The following VPS13A variants were observed in gnomAD, a reference collection of about 807,000 sequenced individuals.
The protein encoded by VPS13A is intermembrane lipid transfer protein VPS13A.
A neutral mutation model predicts 390.9 loss-of-function variants in VPS13A; 264 were observed. That is an observed-to-expected ratio of 0.68 (90% CI 0.61 to 0.75). The LOEUF is 0.75. Among genes scored for constraint, VPS13A ranks in the 30% least tolerant of loss-of-function variants. VPS13A has a pLI of 0.00. For synonymous variants in VPS13A, 1,231 were observed against 1,227.1 expected, an observed-to-expected ratio of 1.00 and a Z score of -0.07; for missense variants, 3,409 against 3,733.9, an observed-to-expected ratio of 0.91 and a Z score of 2.27.
chr9:77,332,173 A>G lies in VPS13A; in HGVS notation c.6095+60A>G, dbSNP rs1459347070. 5 of 1,328,014 alleles carry G rather than the reference A, an allele frequency of 3.8e-6. No individual in the cohort carries two copies. In the Admixed American group the frequency reaches 8.4e-5, roughly 22 times the overall value. The allele number at this position is 1,328,014 out of a possible 1,614,324, so 82.3% of individuals were successfully genotyped here. On this transcript the variant is annotated intron_variant, in intron 46 of 71. Coordinates refer to ENST00000360280, the MANE Select transcript of VPS13A (RefSeq NM_033305.3). ...TCTCTTGTAGAATTTTTAGTTTCTGATTTCACATGGATAACTTTGATCAAA... is the reference window on the plus strand; with the variant it reads ...TCTCTTGTAGAATTTTTAGTTTCTGGTTTCACATGGATAACTTTGATCAAA...
intron 68 of VPS13A, among the ~76,000 whole-genome samples, chr9:77,388,568 T>G (rs1587706991): frequency 6.6e-6 from 1 of 152,312 alleles, no homozygotes; most frequent in East Asian, 1.9e-4. Flanking sequence ...AACTGGCTTT[T>G]GATGAATCTT....
intron 3 of VPS13A, among the ~76,000 whole-genome samples, chr9:77,204,301 G>A (rs936376276): frequency 2.6e-5 from 4 of 151,666 alleles, no homozygotes; most frequent in Non-Finnish European, 4.4e-5. Flanking sequence ...TCTCTATTAC[G>A]AAAATATTCT....
At chr9:77,326,438 T>C (rs1830023659) in intron 45 of VPS13A, among the ~76,000 whole-genome samples, 1 of 152,134 alleles carries the variant, frequency 6.6e-6, no homozygotes, top group South Asian at 2.1e-4. Context: ...CTGTTCATTT[T>C]TACTTTTAGC....
intron 1 of VPS13A, among the ~76,000 whole-genome samples, chr9:77,191,166 T>C (rs1051188727): frequency 3.3e-5 from 5 of 152,176 alleles, no homozygotes; most frequent in African/African-American, 9.6e-5. Flanking sequence ...AACATTTTGA[T>C]GTGGGCATTT....
intron 57 of VPS13A, 54 bp downstream of exon 57, chr9:77,358,492 T>G: frequency 7.1e-7 from 1 of 1,402,592 alleles, no homozygotes; most frequent in Non-Finnish European, 1.0e-6. Flanking sequence ...CTATTTGATT[T>G]ACTTTACTAT....
chr9:77,415,857 C>G lies in VPS13A; in HGVS notation c.9475-99C>G, dbSNP rs1835150626. On this transcript the variant is annotated intron_variant, in intron 71 of 71. Coordinates refer to ENST00000360280, the MANE Select transcript of VPS13A (RefSeq NM_033305.3). Reference sequence around the variant, plus strand: ...TATTGGCTGTCAGTATTACACCTAACTAAACTATAAAGCTAACTTCTAGAT... The same window carrying G: ...TATTGGCTGTCAGTATTACACCTAAGTAAACTATAAAGCTAACTTCTAGAT... The G allele has an allele frequency of 4.2e-6, 6 of 1,437,450 alleles. No individual in the cohort carries two copies. In the South Asian group the frequency reaches 5.9e-5, roughly 14 times the overall value. 89.0% of individuals were successfully genotyped at this position (1,437,450 alleles called of 1,614,324 possible). A position where few individuals can be genotyped will look rare whatever the true frequency, so the allele number is the denominator to read the frequency against.
At chr9:77,277,311 C>T (rs1005721439) in intron 26 of VPS13A, among the ~76,000 whole-genome samples, 5 of 152,102 alleles carry the variant, frequency 3.3e-5, no homozygotes, top group Non-Finnish European at 2.9e-5. Flanking sequence ...GACAATTGAG[C>T]AGAAGGTACA....
intron 34 of VPS13A, among the ~76,000 whole-genome samples, chr9:77,304,938 T>C (rs1828630749): frequency 6.7e-6 from 1 of 149,546 alleles, no homozygotes; most frequent in African/African-American, 2.5e-5. Flanking sequence ...TTCAGACTTT[T>C]TTTCTTTTTT....
chr9:77,205,514 A>G, intron 4 of VPS13A, 106 bp downstream of exon 4: 2 of 479,956 alleles, frequency 4.2e-6, no homozygotes, highest in African/African-American at 4.0e-5. Context: ...TTTAATATTT[A>G]AATTTGATAT....
intron 34 of VPS13A, 143 bp downstream of exon 34, chr9:77,303,205 T>A (rs1221497759): frequency 3.4e-5 from 30 of 877,906 alleles, no homozygotes; most frequent in Non-Finnish European, 4.9e-5. Flanking sequence ...TAAACTAGAA[T>A]TCATTTTAAA....
At chr9:77,296,067 G>A (rs981075631) in intron 33 of VPS13A, among the ~76,000 whole-genome samples, 1 of 152,064 alleles carries the variant, frequency 6.6e-6, no homozygotes, top group African/African-American at 2.4e-5. Context: ...TAGGTAATTA[G>A]GAAAACTATA....
chr9:77,365,719 A>G (rs1266078084), intron 60 of VPS13A, 146 bp downstream of exon 60: 3 of 559,802 alleles, frequency 5.4e-6, no homozygotes, highest in Non-Finnish European at 9.3e-6. Context: ...TTACATTTTT[A>G]TTTATTTTTA....
Position 77,195,534 on chromosome 9 carries a change from C to T in VPS13A, c.101-4411C>T, listed in dbSNP as rs369518234. ...GGTGGATCACTTGAGGTCAGCAGTTCGAGACCAGCTTGGCCAACATGACAA... is the reference window on the plus strand; with the variant it reads ...GGTGGATCACTTGAGGTCAGCAGTTTGAGACCAGCTTGGCCAACATGACAA... On this transcript the variant is annotated intron_variant, in intron 1 of 71. Transcript: ENST00000360280. 1.6e-4 allele frequency among the ~76,000 whole-genome samples: 25 copies of T among 152,166 alleles called. No individual in the cohort carries two copies. The South Asian group carries it at 2.5e-3, about 15-fold the overall frequency.
chr9:77,420,522 T>C lies in VPS13A; in HGVS notation c.*4516T>C, dbSNP rs1835310381. On this transcript the variant is annotated 3_prime_UTR_variant, in exon 72 of 72. Coordinates refer to ENST00000360280, the MANE Select transcript of VPS13A (RefSeq NM_033305.3). ...GTTACCCAAAAAGCTATACAAGAAA[T>C]ATAACTTCAATTTTTTAGGTTGATA... 1 of 152,144 alleles carries C rather than the reference T, an allele frequency of 6.6e-6. No homozygotes were observed. Among genetic ancestry groups the C allele is most frequent in the African/African-American group, 2.4e-5 (1 of 41,450 alleles). 9.4% of individuals were successfully genotyped at this position (152,144 alleles called of 1,614,324 possible).
At chr9:77,229,321 T>C (rs1823693285) in intron 17 of VPS13A, among the ~76,000 whole-genome samples, 1 of 152,002 alleles carries the variant, frequency 6.6e-6, no homozygotes, top group Non-Finnish European at 1.5e-5. Flanking sequence ...CTCAAAGCAG[T>C]TCGCCAGCCT....
chr9:77,384,754 C>T, intron 68 of VPS13A: 2 of 1,540,254 alleles, frequency 1.3e-6, no homozygotes, highest in Non-Finnish European at 1.7e-6. Flanking sequence ...CCATAATGCC[C>T]ATATGTCCAT....
rs188266510 is a variant in VPS13A, at chr9:77,219,366, C to T, written c.755-588C>T. On this transcript the variant is annotated intron_variant, in intron 10 of 71. Transcript: ENST00000360280. ...TTAATGATGGATCTTTGTCTAGATT[C>T]TGCTATTACTGGTCTTCCTCTGAAT... Among the ~76,000 whole-genome samples the T allele has an allele frequency of 3.2e-3, 485 of 152,198 alleles. 1 individual carries two copies. The highest frequency in any genetic ancestry group is 5.0e-3 in the Non-Finnish European group (340 of 67,984).
At chr9:77,316,114 T>C in intron 38 of VPS13A, 60 bp from the exon 39 acceptor site, 2 of 924,516 alleles carry the variant, frequency 2.2e-6, no homozygotes, top group South Asian at 3.6e-5. Context: ...TATTTTCTTA[T>C]AAATAATAAA....
Position 77,317,666 on chromosome 9 carries a change from A to G in VPS13A, c.4924A>G (p.Ile1642Val), listed in dbSNP as rs371564538. 6 of 1,600,266 alleles carry G rather than the reference A, an allele frequency of 3.7e-6. No homozygotes were observed. The highest frequency in any genetic ancestry group is 5.1e-6 in the Non-Finnish European group (6 of 1,172,788). The change falls in exon 40 of 72, where the codon ATC becomes GTC. Residue 1642 changes from isoleucine to valine, a missense_variant. Around this residue, in one of 5 missense-constraint regions of VPS13A, gnomAD observed 2,717 missense variants for 2,917.4 expected, o/e 0.93. Transcript: ENST00000360280. The stretch of plus-strand genomic sequence containing the variant: ...TCAGAAAGGTACAGATCCACAAGTG[A>G]TCGATATGTCAGTAAAATCCCTGAC... ...TTQKGTDPQVIDMSVKSLTLK... is the reference protein window; with the variant it reads ...TTQKGTDPQVVDMSVKSLTLK...
Sources: allele counts gnomAD v4.1 joint callset (sites outside exome capture counted in the v4.1 genomes callset), GRCh38; gene constraint gnomAD v4.1.1; regional missense constraint gnomAD v4.1.1; transcripts MANE v1.5; gene names NCBI Gene and HGNC (gene_info 2026-07-23, HGNC 2026-07-21).